Variants in AFF3 observed in about 807,000 individuals in gnomAD.
AFF3 encodes the protein AF4/FMR2 family member 3.
In AFF3, 32 loss-of-function variants were observed where a neutral mutation model predicts 129.7. That is an observed-to-expected ratio of 0.25 (90% CI 0.19 to 0.33). The LOEUF (loss-of-function observed/expected upper bound fraction) is 0.33. Ranked by LOEUF, AFF3 falls within the 10% of genes least tolerant of loss-of-function variation. AFF3 has a pLI of 1.00. For missense variants in AFF3, 1,373 were observed against 1,592.0 expected (o/e 0.86, Z 2.34); for synonymous variants, 644 against 635.4 (o/e 1.01, Z -0.20).
chr2:99,806,786 T>C (rs1320576310), intron 8 of AFF3, among the ~76,000 whole-genome samples: 1 of 152,204 alleles, frequency 6.6e-6, no homozygotes, highest in East Asian at 1.9e-4. Context: ...GCACAGTGTA[T>C]GGCAAACAGT....
intron 14 of AFF3, among the ~76,000 whole-genome samples, chr2:99,595,925 C>A (rs143936901): frequency 6.6e-6 from 1 of 152,320 alleles, no homozygotes; most frequent in Non-Finnish European, 1.5e-5. Flanking sequence ...CCCTTTGGGG[C>A]AGACTGGCAC....
At chr2:99,655,246 AC>A in intron 12 of AFF3, among the ~76,000 whole-genome samples, 1 of 151,562 alleles carries the variant, frequency 6.6e-6, no homozygotes, top group Non-Finnish European at 1.5e-5. Flanking sequence ...ACACACACAC[AC>A]ACACACACAC....
chr2:99,649,070 T>C (rs548156816), intron 13 of AFF3, among the ~76,000 whole-genome samples: 74 of 152,186 alleles, frequency 4.9e-4, no homozygotes, highest in African/African-American at 1.6e-3. Context: ...AAGCAGGATA[T>C]AAAATACAGC....
At position 99,565,453 on chromosome 2, in the gene AFF3, C is replaced by T. The variant is rs774116800; in HGVS notation, c.3119+34G>A. ...TAGTGCTTCCACACATTCCTCACTC[C>T]TCCCCTCATCCAGCAAGAAAACACG... On this transcript the variant is annotated intron_variant, in intron 20 of 24. Transcript: ENST00000672756. 11 of 1,606,380 alleles carry T rather than the reference C, an allele frequency of 6.8e-6. No homozygotes were observed. The East Asian group carries it at 2.0e-4, about 29-fold the overall frequency.
intron 18 of AFF3, among the ~76,000 whole-genome samples, chr2:99,572,844 C>T (rs140627536): frequency 1.1e-3 from 170 of 152,340 alleles, no homozygotes; most frequent in African/African-American, 3.9e-3. Context: ...AGGCACTTCC[C>T]CACAGATCCA....
At chr2:99,654,941 A>G (rs1303758276) in intron 12 of AFF3, among the ~76,000 whole-genome samples, 1 of 152,206 alleles carries the variant, frequency 6.6e-6, no homozygotes, top group Non-Finnish European at 1.5e-5. Context: ...AGGAAATTAA[A>G]TGCCCTTATT....
intron 7 of AFF3, among the ~76,000 whole-genome samples, chr2:99,969,753 T>C (rs1678169380): frequency 6.6e-6 from 1 of 152,180 alleles, no homozygotes; most frequent in South Asian, 2.1e-4. Flanking sequence ...TCCACCCGCC[T>C]TGGCCTCCTG....
intron 8 of AFF3, among the ~76,000 whole-genome samples, chr2:99,794,037 T>G (rs1015846356): frequency 6.6e-6 from 1 of 152,238 alleles, no homozygotes; most frequent in Non-Finnish European, 1.5e-5. Context: ...AGAAATATGT[T>G]GTTTCATTTC....
intron 7 of AFF3, among the ~76,000 whole-genome samples, chr2:99,891,327 C>T (rs936604891): frequency 1.3e-5 from 2 of 152,050 alleles, no homozygotes; most frequent in Non-Finnish European, 2.9e-5. Context: ...GGGTGAAAGG[C>T]GTGTTCCCAG....
chr2:99,894,633 TA>T (rs1208683958), intron 7 of AFF3, among the ~76,000 whole-genome samples: 1 of 151,746 alleles, frequency 6.6e-6, no homozygotes, highest in African/African-American at 2.4e-5. Context: ...CACGCCCGGC[TA>T]ATTTTTTTTT....
intron 7 of AFF3, among the ~76,000 whole-genome samples, chr2:99,969,478 C>CATTTATTTATTTATTTATATATTTATTT (rs1678126676): frequency 1.3e-5 from 2 of 150,410 alleles, no homozygotes; most frequent in Non-Finnish European, 3.0e-5. Context: ...ATTTTATTTT[C>CATTTATTTATTTATTTATATATTTATTT]ATTTATTTAT....
chr2:99,692,656 A>G (rs902395883), intron 11 of AFF3, among the ~76,000 whole-genome samples: 2 of 152,154 alleles, frequency 1.3e-5, no homozygotes, highest in African/African-American at 2.4e-5. Context: ...CTCCTCTAGA[A>G]GTCCACCAGA....
chr2:99,809,638 C>T (rs1576050068), intron 8 of AFF3, among the ~76,000 whole-genome samples: 1 of 152,182 alleles, frequency 6.6e-6, no homozygotes, highest in Non-Finnish European at 1.5e-5. Context: ...TCTGGGATTG[C>T]TGCCATTTAG....
intron 5 of AFF3, among the ~76,000 whole-genome samples, chr2:100,008,417 C>T (rs1682179975): frequency 6.6e-6 from 1 of 152,192 alleles, no homozygotes; most frequent in African/African-American, 2.4e-5. Context: ...GTACTCTAAT[C>T]CTAGCGTGAT....
At position 100,091,975 on chromosome 2, in the gene AFF3, C is replaced by T. The variant is rs1379980996; in HGVS notation, c.53+12427G>A. Among the ~76,000 whole-genome samples the T allele has an allele frequency of 4.0e-5, 6 of 148,364 alleles. No homozygotes were observed. The South Asian group carries it at 8.5e-4, about 21-fold the overall frequency. On this transcript the variant is annotated intron_variant, in intron 4 of 24. Coordinates refer to ENST00000672756, the MANE Select transcript of AFF3 (RefSeq NM_001386135.1). ...CCGGCTGCTTTCCCTCCCACTACAC[C>T]GTGGTGCCTGCAGCCTACTTCTCAT...
At chr2:100,087,367 C>T (rs545749431) in intron 4 of AFF3, among the ~76,000 whole-genome samples, 173 of 152,210 alleles carry the variant, frequency 1.1e-3, no homozygotes, top group African/African-American at 4.0e-3. Context: ...ATCCTGTTTA[C>T]TCATTAGAGG....
At chr2:99,618,538 A>G (rs1681679966) in intron 13 of AFF3, among the ~76,000 whole-genome samples, 1 of 152,144 alleles carries the variant, frequency 6.6e-6, no homozygotes, top group East Asian at 1.9e-4. Context: ...ACCCAGCCTC[A>G]TAACATTCTT....
At chr2:99,837,648 G>C in intron 7 of AFF3, 124 bp from the exon 8 acceptor site, 1 of 788,440 alleles carries the variant, frequency 1.3e-6, no homozygotes, top group Non-Finnish European at 2.1e-6. Flanking sequence ...TTGAGGGGAT[G>C]CCTGACCTGG....
intron 7 of AFF3, among the ~76,000 whole-genome samples, chr2:99,967,929 G>T (rs1677953108): frequency 6.6e-6 from 1 of 152,116 alleles, no homozygotes; most frequent in Non-Finnish European, 1.5e-5. Flanking sequence ...CCCTCACACA[G>T]CCACAGGATT....
Sources: gnomAD v4.1 joint callset for allele counts (sites outside exome capture counted in the v4.1 genomes callset) on GRCh38, gnomAD v4.1.1 for gene constraint, MANE v1.5 for transcripts, NCBI Gene and HGNC (gene_info 2026-07-23, HGNC 2026-07-21) for gene names.